Variants in CSMD1 observed in about 807,000 individuals in gnomAD.
CSMD1 encodes CUB and sushi domain-containing protein 1.
CSMD1 carries 213 observed loss-of-function variants against 417.5 expected under a neutral mutation model. That is an observed-to-expected ratio of 0.51 (90% CI 0.46 to 0.57). The LOEUF is 0.57. Ranked by LOEUF, CSMD1 falls within the 20% of genes least tolerant of loss-of-function variation. The probability of loss-of-function intolerance (pLI) is 0.00; values close to 1 mark genes in which losing one functional copy is unlikely to be tolerated. For missense variants in CSMD1, 6,923 were observed against 4,529.7 expected (o/e 1.53, Z -15.17); for synonymous variants, 2,862 against 1,736.8 (o/e 1.65, Z -16.11).
chr8:3,531,008 A>G (rs1212744647), intron 10 of CSMD1, among the ~76,000 whole-genome samples: 1 of 148,126 alleles, frequency 6.8e-6, no homozygotes, highest in African/African-American at 2.5e-5. Flanking sequence ...ACACACCACC[A>G]TGCCCAGCTA....
chr8:3,774,573 C>G (rs1798798761), intron 5 of CSMD1, among the ~76,000 whole-genome samples: 1 of 152,138 alleles, frequency 6.6e-6, no homozygotes, highest in Non-Finnish European at 1.5e-5. Context: ...AACGTCATGT[C>G]TTCCTGCTTT....
chr8:3,568,811 A>C (rs968328151), intron 10 of CSMD1, among the ~76,000 whole-genome samples: 1 of 152,100 alleles, frequency 6.6e-6, no homozygotes, highest in Non-Finnish European at 1.5e-5. Flanking sequence ...TGATATATTT[A>C]ATCTTTCCAA....
At chr8:4,433,488 C>T (rs185312330) in intron 2 of CSMD1, among the ~76,000 whole-genome samples, 1 of 152,200 alleles carries the variant, frequency 6.6e-6, no homozygotes, top group South Asian at 2.1e-4. Flanking sequence ...CAAGCGCGGC[C>T]AAGTGTTTCC....
intron 7 of CSMD1, among the ~76,000 whole-genome samples, chr8:3,680,270 C>A (rs1799581494): frequency 6.6e-6 from 1 of 152,000 alleles, no homozygotes; most frequent in Admixed American, 6.6e-5. Flanking sequence ...AAAAGATCAA[C>A]AAAATTGATA....
chr8:3,233,760 T>G (rs1328469118), intron 26 of CSMD1, among the ~76,000 whole-genome samples: 2 of 152,246 alleles, frequency 1.3e-5, no homozygotes, highest in Non-Finnish European at 2.9e-5. Context: ...TCTGGGGAAC[T>G]TGACTTATGG....
chr8:4,961,003 A>T (rs1347961456), intron 1 of CSMD1, among the ~76,000 whole-genome samples: 1 of 152,122 alleles, frequency 6.6e-6, no homozygotes, highest in African/African-American at 2.4e-5. Flanking sequence ...ATCATAGATG[A>T]GCATTTTACT....
intron 3 of CSMD1, among the ~76,000 whole-genome samples, chr8:4,104,136 C>A (rs1256615199): frequency 6.6e-6 from 1 of 152,202 alleles, no homozygotes; most frequent in Non-Finnish European, 1.5e-5. Flanking sequence ...TTGATTCAGT[C>A]CCTCGTCTGC....
intron 26 of CSMD1, among the ~76,000 whole-genome samples, chr8:3,240,384 G>A (rs1019581263): frequency 6.6e-6 from 1 of 151,826 alleles, no homozygotes; most frequent in Admixed American, 6.6e-5. Flanking sequence ...GCAAAACCAG[G>A]TATCTAAAGT....
chr8:4,226,476 A>C (rs995582911), intron 3 of CSMD1, among the ~76,000 whole-genome samples: 1 of 152,202 alleles, frequency 6.6e-6, no homozygotes, highest in Non-Finnish European at 1.5e-5. Flanking sequence ...TGCAATTTAG[A>C]AATTTTACAG....
rs1179132489 is a variant in CSMD1 at position 4,173,592 on chromosome 8, G to C, written c.416-141493C>G. Among the ~76,000 whole-genome samples the C allele has an allele frequency of 2.6e-5, 4 of 152,084 alleles. No individual in the cohort carries two copies. In the South Asian group the frequency reaches 6.2e-4, roughly 24 times the overall value. On this transcript the variant is annotated intron_variant, in intron 3 of 69. Transcript: ENST00000635120. ...ATGATGTAACAATATGATTCGCTGG[G>C]TTTAAAAGTTATTAGATACATAGCT... is the stretch of plus-strand genomic sequence containing the variant.
chr8:3,916,706 C>G (rs1270681702), intron 5 of CSMD1, among the ~76,000 whole-genome samples: 1 of 152,048 alleles, frequency 6.6e-6, no homozygotes, highest in Non-Finnish European at 1.5e-5. Flanking sequence ...CTACAGTCAT[C>G]ACAAGGATAG....
intron 3 of CSMD1, among the ~76,000 whole-genome samples, chr8:4,200,509 G>C (rs1440751639): frequency 6.6e-6 from 1 of 152,120 alleles, no homozygotes; most frequent in Non-Finnish European, 1.5e-5. Context: ...TAAAAAATGA[G>C]AAATTATTTA....
intron 3 of CSMD1, among the ~76,000 whole-genome samples, chr8:4,085,776 G>T (rs575696256): frequency 6.6e-6 from 1 of 152,146 alleles, no homozygotes; most frequent in East Asian, 1.9e-4. Flanking sequence ...GAAGTTAAAG[G>T]AAGTAAATAT....
chr8:3,965,289 C>G (rs1430501386), intron 5 of CSMD1, among the ~76,000 whole-genome samples: 1 of 152,168 alleles, frequency 6.6e-6, no homozygotes, highest in Non-Finnish European at 1.5e-5. Flanking sequence ...ACTCAGGTCT[C>G]TAAGCATGGG....
intron 2 of CSMD1, among the ~76,000 whole-genome samples, chr8:4,604,410 T>TGTGTGTGTGTGTGTGCGC (rs59349269): frequency 6.8e-6 from 1 of 146,146 alleles, no homozygotes; most frequent in African/African-American, 2.5e-5. Context: ...TGTGTGTGTG[T>TGTGTGTGTGTGTGTGCGC]GCGCGTGCGT....
At chr8:4,779,358 A>G (rs1797032795) in intron 1 of CSMD1, among the ~76,000 whole-genome samples, 1 of 152,188 alleles carries the variant, frequency 6.6e-6, no homozygotes, top group Non-Finnish European at 1.5e-5. Flanking sequence ...CTCAAAGGAT[A>G]ATTTTTTACA....
At chr8:4,641,805 A>C (rs1031381719) in intron 1 of CSMD1, among the ~76,000 whole-genome samples, 1 of 152,136 alleles carries the variant, frequency 6.6e-6, no homozygotes, top group African/African-American at 2.4e-5. Context: ...ATATGTAGGG[A>C]CTCTAAATTC....
At chr8:3,543,800 T>G (rs943843253) in intron 10 of CSMD1, among the ~76,000 whole-genome samples, 1 of 152,116 alleles carries the variant, frequency 6.6e-6, no homozygotes, top group Non-Finnish European at 1.5e-5. Flanking sequence ...GCAGTCTGAG[T>G]TCAGAGTCTG....
intron 3 of CSMD1, among the ~76,000 whole-genome samples, chr8:4,169,210 T>C (rs1321427379): frequency 6.6e-6 from 1 of 152,102 alleles, no homozygotes; most frequent in African/African-American, 2.4e-5. Context: ...CACCAACACA[T>C]GTCTGAGCAA....
Sources: allele counts gnomAD v4.1 joint callset (sites outside exome capture counted in the v4.1 genomes callset), GRCh38; gene constraint gnomAD v4.1.1; transcripts MANE v1.5; gene names NCBI Gene and HGNC (gene_info 2026-07-23, HGNC 2026-07-21).